The following SVIL variants were observed in gnomAD, a reference collection of about 807,000 sequenced individuals.
The protein encoded by SVIL is archvillin.
A neutral mutation model predicts 240.4 loss-of-function variants in SVIL; 101 were observed. The observed-to-expected ratio is 0.42, with a 90% CI of 0.36 to 0.50. The LOEUF (loss-of-function observed/expected upper bound fraction) is 0.50, where lower values mean the gene tolerates loss of function less well. Among genes scored for constraint, SVIL ranks in the 20% least tolerant of loss-of-function variants. The pLI is 0.01. For synonymous variants in SVIL, 999 were observed against 1,100.0 expected (o/e 0.91, Z 1.82); for missense variants, 2,512 against 2,818.7 (o/e 0.89, Z 2.46).
intron 3 of SVIL, among the ~76,000 whole-genome samples, chr10:29,653,227 G>A (rs1958897403): frequency 6.6e-6 from 1 of 152,082 alleles, no homozygotes; most frequent in African/African-American, 2.4e-5. Context: ...TGGATCGTGG[G>A]GGCAAACTTC....
At chr10:29,492,389 G>A (rs72802775) in intron 21 of SVIL, among the ~76,000 whole-genome samples, 19 of 152,104 alleles carry the variant, frequency 1.2e-4, no homozygotes, top group Admixed American at 3.3e-4. Flanking sequence ...GCCGCTGCCT[G>A]ACGGAGAGTG....
intron 31 of SVIL, 21 bp from the exon 32 acceptor site, chr10:29,470,504 G>A (rs761155106): frequency 6.8e-6 from 11 of 1,613,374 alleles, no homozygotes; most frequent in East Asian, 4.5e-5. Flanking sequence ...CACCGGCGGC[G>A]CGGAGGAGTT....
At chr10:29,643,878 C>A in intron 3 of SVIL, 1 of 438,820 alleles carries the variant, frequency 2.3e-6, no homozygotes, top group Non-Finnish European at 4.6e-6. Flanking sequence ...AAGAGAACTG[C>A]TGGCCTCGTG....
At chr10:29,695,843 C>T (rs1369308263) in intron 1 of SVIL, among the ~76,000 whole-genome samples, 1 of 78,234 alleles carries the variant, frequency 1.3e-5, no homozygotes, top group Non-Finnish European at 2.7e-5. Flanking sequence ...TCTCCCGTCT[C>T]CCTCTCCCTC....
rs1952328764 is a variant in SVIL, at chr10:29,543,249, C to G, written c.828-7180G>C. The stretch of plus-strand genomic sequence containing the variant: ...AAGTTACCAAAACACAACAAAACAA[C>G]CTGGAAAGGTCAAGAAAGCAGGGCA... On this transcript the variant is annotated intron_variant, in intron 6 of 37. Transcript: ENST00000355867. 2.0e-5 allele frequency among the ~76,000 whole-genome samples: 3 copies of G among 152,148 alleles called. No individual in the cohort carries two copies. The South Asian group carries it at 6.2e-4, about 32-fold the overall frequency.
chr10:29,610,064 G>C (rs1477926570), intron 1 of SVIL, among the ~76,000 whole-genome samples: 2 of 152,182 alleles, frequency 1.3e-5, no homozygotes, highest in Admixed American at 6.5e-5. Context: ...TCACCGTGAA[G>C]TCAGAGCAAC....
chr10:29,670,558 T>G (rs1959686429), intron 2 of SVIL, among the ~76,000 whole-genome samples: 1 of 152,264 alleles, frequency 6.6e-6, no homozygotes. Flanking sequence ...TAAAGTCTTT[T>G]GTGTAAACAT....
intron 6 of SVIL, among the ~76,000 whole-genome samples, chr10:29,538,544 G>A (rs1393298456): frequency 2.0e-5 from 3 of 152,230 alleles, no homozygotes; most frequent in Non-Finnish European, 4.4e-5. Flanking sequence ...CTCCTGGGCC[G>A]GTGGTGTGTG....
chr10:29,583,767 T>C (rs1177233260), intron 1 of SVIL, among the ~76,000 whole-genome samples: 3 of 152,200 alleles, frequency 2.0e-5, no homozygotes, highest in Admixed American at 2.0e-4. Context: ...GCAGATCCCG[T>C]GCTCACAGTG....
chr10:29,544,475 C>G (rs369057274), intron 6 of SVIL, among the ~76,000 whole-genome samples: 2 of 152,184 alleles, frequency 1.3e-5, no homozygotes, highest in African/African-American at 4.8e-5. Context: ...GAATAGTCTG[C>G]CAGGCCCGGT....
In SVIL at chr10:29,516,904, G is replaced by A. The variant is rs181413446; in HGVS notation, c.3390-4043C>T. 3.1e-3 allele frequency among the ~76,000 whole-genome samples: 472 copies of A among 152,326 alleles called. 7 individuals carry two copies. The South Asian group carries it at 0.045, about 15-fold the overall frequency. On this transcript the variant is annotated intron_variant, in intron 16 of 37. Coordinates refer to ENST00000355867, the MANE Select transcript of SVIL (RefSeq NM_021738.3). ...CAGGGCTGGGTCAAACAGGAGACAT[G>A]ACAACCATGTGCCCCTAATATTAAA...
chr10:29,572,428 A>G (rs1486096637), intron 1 of SVIL, among the ~76,000 whole-genome samples: 2 of 152,164 alleles, frequency 1.3e-5, no homozygotes, highest in Non-Finnish European at 2.9e-5. Context: ...TGTTGGGAGG[A>G]GAAGAGGAAG....
chr10:29,693,597 G>A (rs1344597667), intron 1 of SVIL, among the ~76,000 whole-genome samples: 10 of 152,116 alleles, frequency 6.6e-5, no homozygotes, highest in East Asian at 1.9e-4. Context: ...CCAGGTGGGC[G>A]CCAGACCTCA....
At chr10:29,694,993 C>T (rs1324497393) in intron 1 of SVIL, among the ~76,000 whole-genome samples, 1 of 152,156 alleles carries the variant, frequency 6.6e-6, no homozygotes, top group Non-Finnish European at 1.5e-5. Context: ...GCATGCCTCG[C>T]ACAATGCACG....
At chr10:29,550,369 G>A (rs1480204873) in intron 6 of SVIL, among the ~76,000 whole-genome samples, 1 of 151,638 alleles carries the variant, frequency 6.6e-6, no homozygotes, top group Non-Finnish European at 1.5e-5. Context: ...TTGAGCCCAG[G>A]AGTTCCAGGC....
intron 1 of SVIL, among the ~76,000 whole-genome samples, chr10:29,727,581 C>T (rs1218239124): frequency 6.6e-6 from 1 of 152,042 alleles, no homozygotes; most frequent in African/African-American, 2.4e-5. Flanking sequence ...CATGCAATAG[C>T]CAAACCACCT....
intron 3 of SVIL, among the ~76,000 whole-genome samples, chr10:29,650,288 C>G (rs77924265): frequency 1.3e-5 from 2 of 152,062 alleles, no homozygotes; most frequent in African/African-American, 4.8e-5. Flanking sequence ...TTCACATAAT[C>G]TAAATTAGTA....
At chr10:29,608,296 C>T (rs2132864082) in intron 1 of SVIL, among the ~76,000 whole-genome samples, 1 of 152,374 alleles carries the variant, frequency 6.6e-6, no homozygotes, top group Middle Eastern at 3.4e-3. Flanking sequence ...GCTTAGCCTG[C>T]CTTCCTGCCA....
intron 6 of SVIL, among the ~76,000 whole-genome samples, chr10:29,537,414 A>G (rs557689854): frequency 6.6e-6 from 1 of 152,358 alleles, no homozygotes; most frequent in South Asian, 2.1e-4. Flanking sequence ...GCCAAGCAGA[A>G]TATGAACGAG....
Sources: gnomAD v4.1 joint callset for allele counts (sites outside exome capture counted in the v4.1 genomes callset) on GRCh38, gnomAD v4.1.1 for gene constraint, MANE v1.5 for transcripts, NCBI Gene and HGNC (gene_info 2026-07-23, HGNC 2026-07-21) for gene names.